KCMF1: variants seen among roughly 807,000 people sequenced by gnomAD.
The protein encoded by KCMF1 is E3 ubiquitin-protein ligase KCMF1.
In KCMF1, 3 loss-of-function variants were observed where a neutral mutation model predicts 41.1. The observed-to-expected ratio is 0.07, with a 90% CI of 0.03 to 0.19. The LOEUF (loss-of-function observed/expected upper bound fraction) is 0.19, where lower values mean the gene tolerates loss of function less well. KCMF1 is among the 10% of genes least tolerant of loss of function. The pLI is 1.00. For missense variants in KCMF1, 286 were observed against 488.9 expected (o/e 0.58, Z 3.91); for synonymous variants, 142 against 164.5 (o/e 0.86, Z 1.04).
intron 2 of KCMF1, among the ~76,000 whole-genome samples, chr2:85,034,046 A>G (rs968542524): frequency 5.3e-5 from 8 of 151,616 alleles, no homozygotes; most frequent in Non-Finnish European, 1.2e-4. Flanking sequence ...TTTTTTTTTA[A>G]TTAGCCGGAT....
At chr2:85,014,956 AT>A (rs2104009622) in intron 1 of KCMF1, among the ~76,000 whole-genome samples, 1 of 151,940 alleles carries the variant, frequency 6.6e-6, no homozygotes, top group South Asian at 2.1e-4. Flanking sequence ...TCCTAGAGGT[AT>A]TTGGTACAGC....
At chr2:85,022,118 G>GT (rs550301180) in intron 1 of KCMF1, among the ~76,000 whole-genome samples, 9 of 151,580 alleles carry the variant, frequency 5.9e-5, no homozygotes, top group East Asian at 3.9e-4. Context: ...CGCCCGGCCT[G>GT]TTTTTTTTGT....
intron 1 of KCMF1, among the ~76,000 whole-genome samples, chr2:84,987,775 T>A (rs1673940880): frequency 6.6e-6 from 1 of 152,212 alleles, no homozygotes. Context: ...AGAAGTATGT[T>A]CATATTTAGA....
At position 85,055,905 on chromosome 2, in the gene KCMF1, AT is replaced by A. The variant is rs1253431862; in HGVS notation, c.*2497del. The A allele has an allele frequency of 6.6e-6, 1 of 152,200 alleles. No homozygotes were observed. Among genetic ancestry groups the A allele is most frequent in the Non-Finnish European group, 1.5e-5 (1 of 68,026 alleles). 9.4% of individuals were successfully genotyped at this position (152,200 alleles called of 1,614,324 possible). ...TCGTTGAGTTTTGAGTGTCTAGGATATAAGTTTATAAATGTTCTACAGTGCT... is the reference window on the plus strand; with the variant it reads ...TCGTTGAGTTTTGAGTGTCTAGGATAAAGTTTATAAATGTTCTACAGTGCT... On this transcript the variant is annotated 3_prime_UTR_variant, in exon 7 of 7. Coordinates refer to ENST00000409785, the MANE Select transcript of KCMF1 (RefSeq NM_020122.5).
intron 6 of KCMF1, among the ~76,000 whole-genome samples, chr2:85,050,953 C>G (rs1675793945): frequency 6.6e-6 from 1 of 152,182 alleles, no homozygotes; most frequent in African/African-American, 2.4e-5. Context: ...TTTCACTCCT[C>G]CAAACCTCAA....
chr2:84,988,039 G>A (rs890021245), intron 1 of KCMF1, among the ~76,000 whole-genome samples: 7 of 152,004 alleles, frequency 4.6e-5, no homozygotes, highest in Admixed American at 1.3e-4. Context: ...TGACCAACAT[G>A]GAGAAATGCC....
Position 85,018,795 on chromosome 2 carries a change from A to ATTT in KCMF1, c.17-9069_17-9067dup, listed in dbSNP as rs34627507. ...TGTTATAATACTTTTCAGAACTTTG[A>ATTT]TTTTTTTTTTTTTTTTTTTTTTTTT... On this transcript the variant is annotated intron_variant, in intron 1 of 6. Transcript: ENST00000409785. 1.3e-3 allele frequency among the ~76,000 whole-genome samples: 93 copies of ATTT among 73,690 alleles called. 8 individuals carry two copies. Among genetic ancestry groups the ATTT allele is most frequent in the African/African-American group, 2.4e-3 (47 of 19,288 alleles). 48.3% of individuals were successfully genotyped at this position (73,690 alleles called of 152,430 possible). A position where few individuals can be genotyped will look rare whatever the true frequency, so the allele number is the denominator to read the frequency against.
At chr2:85,017,256 GAC>G (rs1456586301) in intron 1 of KCMF1, among the ~76,000 whole-genome samples, 1 of 151,716 alleles carries the variant, frequency 6.6e-6, no homozygotes, top group Non-Finnish European at 1.5e-5. Flanking sequence ...TCGATCTCCT[GAC>G]CTCATGATCC....
At chr2:85,015,153 CAAAAAA>C (rs34773304) in intron 1 of KCMF1, among the ~76,000 whole-genome samples, 2 of 49,020 alleles carry the variant, frequency 4.1e-5, no homozygotes, top group South Asian at 7.0e-4. Context: ...GACTCCATCT[CAAAAAA>C]AAAAAAAAAA....
intron 6 of KCMF1, among the ~76,000 whole-genome samples, chr2:85,051,807 G>A (rs138688716): frequency 1.7e-4 from 26 of 152,274 alleles, no homozygotes; most frequent in Middle Eastern, 6.8e-3. Flanking sequence ...TTACTGTTGG[G>A]CTTCTTAGAA....
intron 1 of KCMF1, among the ~76,000 whole-genome samples, chr2:84,977,468 C>T (rs770026052): frequency 2.0e-5 from 3 of 152,092 alleles, no homozygotes; most frequent in Non-Finnish European, 4.4e-5. Context: ...GGGTCTCTGT[C>T]GCCCATGCTG....
At chr2:85,045,900 C>T (rs970167229) in intron 4 of KCMF1, among the ~76,000 whole-genome samples, 6 of 152,188 alleles carry the variant, frequency 3.9e-5, no homozygotes, top group African/African-American at 1.4e-4. Context: ...CACACACACA[C>T]ACTCACATGT....
chr2:84,982,717 A>C (rs908666889), intron 1 of KCMF1, among the ~76,000 whole-genome samples: 1 of 152,074 alleles, frequency 6.6e-6, no homozygotes, highest in African/African-American at 2.4e-5. Flanking sequence ...TATGATATTG[A>C]AATACATGCT....
At chr2:85,020,953 T>G (rs186577601) in intron 1 of KCMF1, among the ~76,000 whole-genome samples, 1 of 152,272 alleles carries the variant, frequency 6.6e-6, no homozygotes, top group Admixed American at 6.5e-5. Context: ...CACAGCAGCC[T>G]CGACCTCCTG....
At chr2:84,996,602 A>G (rs192084537) in intron 1 of KCMF1, among the ~76,000 whole-genome samples, 109 of 151,760 alleles carry the variant, frequency 7.2e-4, no homozygotes, top group African/African-American at 2.5e-3. Flanking sequence ...TGCTCGGCCA[A>G]TTTTTGTATT....
At chr2:84,978,289 G>A (rs1372213192) in intron 1 of KCMF1, among the ~76,000 whole-genome samples, 1 of 152,140 alleles carries the variant, frequency 6.6e-6, no homozygotes, top group Admixed American at 6.5e-5. Flanking sequence ...GAGCCACCGT[G>A]CCCAGCCTTA....
intron 1 of KCMF1, among the ~76,000 whole-genome samples, chr2:85,026,154 C>G (rs931271566): frequency 1.4e-4 from 21 of 152,166 alleles, no homozygotes; most frequent in Non-Finnish European, 2.4e-4. Flanking sequence ...CCACGCCCGG[C>G]TAATTTTTGT....
intron 1 of KCMF1, among the ~76,000 whole-genome samples, chr2:85,004,390 T>A (rs541855603): frequency 6.6e-6 from 1 of 152,114 alleles, no homozygotes; most frequent in African/African-American, 2.4e-5. Flanking sequence ...GGGCACCTTG[T>A]AGTCCCAGCT....
intron 2 of KCMF1, among the ~76,000 whole-genome samples, chr2:85,030,482 A>T (rs1675240071): frequency 6.6e-6 from 1 of 152,080 alleles, no homozygotes; most frequent in African/African-American, 2.4e-5. Context: ...ACATTTAGAT[A>T]TTTGACCCAT....
Sources: allele counts gnomAD v4.1 joint callset (sites outside exome capture counted in the v4.1 genomes callset), GRCh38; gene constraint gnomAD v4.1.1; transcripts MANE v1.5; gene names NCBI Gene and HGNC (gene_info 2026-07-23, HGNC 2026-07-21).